Variants in MYH7 observed in about 807,000 individuals in gnomAD.
The protein encoded by MYH7 is myosin-7.
MYH7 carries 129 observed loss-of-function variants against 225.4 expected under a neutral mutation model. That is an observed-to-expected ratio of 0.57 (90% CI 0.50 to 0.66). MYH7 has a LOEUF of 0.66. Among genes scored for constraint, MYH7 ranks in the 30% least tolerant of loss-of-function variants. MYH7 has a pLI of 0.00. For synonymous variants in MYH7, 971 were observed against 1,007.6 expected, an observed-to-expected ratio of 0.96 and a Z score of 0.69; for missense variants, 1,649 against 2,517.0, an observed-to-expected ratio of 0.66 and a Z score of 7.38.
intron 12 of MYH7, 108 bp from the exon 13 acceptor site, chr14:23,429,455 C>G (rs1380503063): frequency 8.8e-7 from 1 of 1,132,504 alleles, no homozygotes; most frequent in African/African-American, 1.5e-5. Context: ...GCAGGCGGAT[C>G]ACTTGAGGTC....
intron 28 of MYH7, 37 bp downstream of exon 28, chr14:23,419,446 T>C: frequency 6.2e-7 from 1 of 1,612,972 alleles, no homozygotes; most frequent in Non-Finnish European, 8.5e-7. Flanking sequence ...TTGGGGAGAC[T>C]GTGGTGGGAA....
intron 15 of MYH7, 91 bp downstream of exon 15, chr14:23,428,409 A>G: frequency 6.3e-7 from 1 of 1,587,546 alleles, no homozygotes; most frequent in Non-Finnish European, 8.6e-7. Flanking sequence ...CTATTTTTAT[A>G]TTCCCCAGAA....
chr14:23,427,136 A>G (rs1892723160), intron 17 of MYH7, 104 bp downstream of exon 17: 1 of 1,119,974 alleles, frequency 8.9e-7, no homozygotes. Context: ...CACCAAGGAG[A>G]CAGGGAACGG....
chr14:23,417,745 G>A, intron 30 of MYH7, 59 bp from the exon 31 acceptor site: 2 of 1,591,742 alleles, frequency 1.3e-6, no homozygotes, highest in Non-Finnish European at 8.6e-7. Flanking sequence ...GGGGACAAGA[G>A]GAAACAACAT....
intron 1 of MYH7, 186 bp from the exon 2 acceptor site, chr14:23,434,435 C>T (rs1380439536): frequency 5.0e-6 from 1 of 200,968 alleles, no homozygotes; most frequent in Non-Finnish European, 8.9e-6. Flanking sequence ...TCCTCAAGAA[C>T]TAGTTCTAAC....
chr14:23,425,065 C>T lies in MYH7; in HGVS notation c.2424-41G>A, dbSNP rs1892641723. The T allele has an allele frequency of 3.7e-6, 6 of 1,613,992 alleles. No homozygotes were observed. In the East Asian group the frequency reaches 1.3e-4, roughly 36 times the overall value. On this transcript the variant is annotated intron_variant, in intron 21 of 39. Transcript: ENST00000355349. This position sits in a 1 kb window ranked among gnomAD's most constrained non-coding sequence, Gnocchi z 4.6. ...GAAAGGAGTGCTGAGCCTCCTGCCT[C>T]CTTCCTACCTGAGGTCCTGAAACCT...
Position 23,419,192 on chromosome 14 carries a change from C to T in MYH7, c.3957G>A (p.Leu1319=). ...TQQLEDLKRQ[L]EEEVKAKNAL... ...TAGCCCTTACCTTAACCTCCTCCTCCAGCTGCCTCTTGAGGTCCTCCAGCT... is the reference window on the plus strand; with the variant it reads ...TAGCCCTTACCTTAACCTCCTCCTCTAGCTGCCTCTTGAGGTCCTCCAGCT... The change falls in exon 29 of 40, where the codon CTG becomes CTA. Residue 1319 remains leucine (L), a synonymous_variant. Transcript: ENST00000355349. The T allele has an allele frequency of 1.2e-6, 2 of 1,614,236 alleles. No individual in the cohort carries two copies. The highest frequency in any genetic ancestry group is 1.7e-6 in the Non-Finnish European group (2 of 1,180,044).
In MYH7 at chr14:23,417,635, A is replaced by T; in HGVS notation, c.4221T>A (p.Val1407=). The T allele has an allele frequency of 6.2e-7, 1 of 1,613,046 alleles. No individual in the cohort carries two copies. Among genetic ancestry groups the T allele is most frequent in the Non-Finnish European group, 8.5e-7 (1 of 1,180,042 alleles). ...LQEAEEAVEA[V]NAKCSSLEKT... ...TCTCCAGCGAGGAGCACTTGGCATT[A>T]ACAGCCTCCACGGCCTCCTCAGCTT... Residue 1407 remains valine (V), a synonymous_variant, in exon 31 of 40, where the codon GTT becomes GTA. Coordinates refer to ENST00000355349, the MANE Select transcript of MYH7 (RefSeq NM_000257.4).
chr14:23,415,858 G>A lies in MYH7; in HGVS notation c.4954-26C>T. 1 of 1,614,154 alleles carries A rather than the reference G, an allele frequency of 6.2e-7. No individual in the cohort carries two copies. The highest frequency in any genetic ancestry group is 2.2e-5 in the East Asian group (1 of 44,878). On this transcript the variant is annotated intron_variant, in intron 34 of 39. Coordinates refer to ENST00000355349, the MANE Select transcript of MYH7 (RefSeq NM_000257.4). The surrounding 1 kb of genome is among the most constrained non-coding windows in gnomAD (Gnocchi z 6.3). ...CTGAGGATCAGGAGAGTGGGCATGA[G>A]CAGGGAGCCAGCCTCGGTTCCCTTC... is the stretch of plus-strand genomic sequence containing the variant.
Position 23,412,831 on chromosome 14 carries a change from G to A in MYH7, c.*23C>T, listed in dbSNP as rs786204386. ...GGGCTTTGCTGGCACCTCCAGGGCT[G>A]AGCAGATCAAGATGTGGCAAAGCTA... On this transcript the variant is annotated 3_prime_UTR_variant, in exon 40 of 40. Coordinates refer to ENST00000355349, the MANE Select transcript of MYH7 (RefSeq NM_000257.4). The A allele has an allele frequency of 1.9e-6, 3 of 1,613,914 alleles. No homozygotes were observed. The South Asian group carries it at 3.3e-5, about 18-fold the overall frequency.
rs371177871 is a variant in MYH7, at chr14:23,414,990, C to T, written c.5559+5G>A. ...GGCTCTGCCTGGAGTCACCGCCCGT[C>T]GCACCTGGTAGGTGAGCTCCTTGAT... On this transcript the variant is annotated splice_donor_5th_base_variant and intron_variant, in intron 37 of 39. Coordinates refer to ENST00000355349, the MANE Select transcript of MYH7 (RefSeq NM_000257.4). The T allele has an allele frequency of 2.2e-5, 35 of 1,605,900 alleles. No homozygotes were observed. In the African/African-American group the frequency reaches 2.8e-4, roughly 13 times the overall value.
chr14:23,417,463 T>G (rs748686168), intron 31 of MYH7, 40 bp downstream of exon 31: 1 of 1,612,160 alleles, frequency 6.2e-7, no homozygotes, highest in South Asian at 1.1e-5. Context: ...TCATGCCCCC[T>G]TGCCCTGCAT....
rs921429381 is a variant in MYH7, at chr14:23,419,207, G to A, written c.3942C>T (p.Asp1314=). 6.2e-6 allele frequency: 10 copies of A among 1,614,184 alleles called. No homozygotes were observed. The highest frequency in any genetic ancestry group is 5.9e-6 in the Non-Finnish European group (7 of 1,180,030). Residue 1314 remains aspartate (D), a synonymous_variant, in exon 29 of 40, where the codon GAC becomes GAT. Transcript: ENST00000355349. Reference sequence around the variant, plus strand: ...CCTCCTCCTCCAGCTGCCTCTTGAGGTCCTCCAGCTGCTGGGTGTAGGTGA... The same window carrying A: ...CCTCCTCCTCCAGCTGCCTCTTGAGATCCTCCAGCTGCTGGGTGTAGGTGA... ...GKLTYTQQLE[D]LKRQLEEEVK... is the part of the protein sequence containing the mutation.
In MYH7 at chr14:23,415,169, G is replaced by C; in HGVS notation, c.5385C>G (p.His1795Gln). 1 of 1,614,236 alleles carries C rather than the reference G, an allele frequency of 6.2e-7. No individual in the cohort carries two copies. The change falls in exon 37 of 40, where the codon CAC becomes CAG. Residue 1795 changes from histidine to glutamine, a missense_variant. This residue lies in a region of MYH7 where 687 missense variants were observed against 913.8 expected (regional missense o/e 0.75). Coordinates refer to ENST00000355349, the MANE Select transcript of MYH7 (RefSeq NM_000257.4). The surrounding 1 kb of genome is among the most constrained non-coding windows in gnomAD (Gnocchi z 6.3). ...CGATCTGCTCGGCTTCGTCCAGCCG[G>C]TGCTGCAGGTCCTTAATGGTCTGTT... ...NMEQTIKDLQ[H>Q]RLDEAEQIAL...
rs1892181801 is a variant in MYH7, at chr14:23,415,885, C to T, written c.4954-53G>A. On this transcript the variant is annotated intron_variant, in intron 34 of 39. Coordinates refer to ENST00000355349, the MANE Select transcript of MYH7 (RefSeq NM_000257.4). This position sits in a 1 kb window ranked among gnomAD's most constrained non-coding sequence, Gnocchi z 6.3. ...AGGGAGCCAGCCTCGGTTCCCTTCA[C>T]TAAAGGCACCTGTCAGAGGTCCCTG... is the stretch of plus-strand genomic sequence containing the variant. The T allele has an allele frequency of 6.2e-7, 1 of 1,613,566 alleles. No homozygotes were observed. Among genetic ancestry groups the T allele is most frequent in the South Asian group, 1.1e-5 (1 of 91,006 alleles).
Position 23,417,995 on chromosome 14 carries a change from A to C in MYH7, c.4169+215T>G, listed in dbSNP as rs745892854. 4.2e-6 allele frequency: 4 copies of C among 941,486 alleles called. No homozygotes were observed. In the East Asian group the frequency reaches 9.5e-5, roughly 22 times the overall value. 58.3% of individuals were successfully genotyped at this position (941,486 alleles called of 1,614,324 possible). On this transcript the variant is annotated intron_variant, in intron 30 of 39. Transcript: ENST00000355349. ...CCCCAGACGGAAGCACTCTGCCCTC[A>C]GACAAACCTTTTGTTCGTCTTATAT... is the stretch of plus-strand genomic sequence containing the variant.
chr14:23,421,690 A>G (rs549880754), intron 25 of MYH7: 25 of 936,224 alleles, frequency 2.7e-5, no homozygotes, highest in Middle Eastern at 5.5e-4. Context: ...TGGAAAGTCT[A>G]TACATTTTGG....
chr14:23,432,676 G>A lies in MYH7; in HGVS notation c.465C>T (p.Phe155=), dbSNP rs747935479. The change falls in exon 5 of 40, where the codon TTC becomes TTT. Residue 155 remains phenylalanine, a synonymous_variant. Coordinates refer to ENST00000355349, the MANE Select transcript of MYH7 (RefSeq NM_000257.4). The part of the protein sequence containing the change: ...KKRSEAPPHI[F]SISDNAYQYM... The stretch of plus-strand genomic sequence containing the variant: ...ACTGATAGGCGTTGTCGGAGATGGA[G>A]AAGATGTGGGGCGGGGCCTCGCTCC... The A allele has an allele frequency of 1.2e-6, 2 of 1,614,172 alleles. No individual in the cohort carries two copies. The highest frequency in any genetic ancestry group is 2.2e-5 in the South Asian group (2 of 91,082).
At position 23,431,484 on chromosome 14, in the gene MYH7, G is replaced by A. The variant is rs765068619; in HGVS notation, c.733-3C>T. 3.5e-5 allele frequency: 57 copies of A among 1,614,050 alleles called. No individual in the cohort carries two copies. Among genetic ancestry groups the A allele is most frequent in the Non-Finnish European group, 3.1e-5 (36 of 1,180,004 alleles). ...AAATGAATTCGAATGAATTTCCCCT[G>A]GAGAGATGGAAGAGAGTGGTGATGA... On this transcript the variant is annotated splice_polypyrimidine_tract_variant and splice_region_variant and intron_variant, in intron 8 of 39. Transcript: ENST00000355349.
Sources: gnomAD v4.1 joint callset for allele counts on GRCh38, gnomAD v4.1.1 for gene constraint, gnomAD v4.1.1 regional missense constraint, Gnocchi (gnomAD v3.1) non-coding constraint, MANE v1.5 for transcripts, NCBI Gene and HGNC (gene_info 2026-07-23, HGNC 2026-07-21) for gene names.